CEP83: variants seen among roughly 807,000 people sequenced by gnomAD.
CEP83 encodes centrosomal protein of 83 kDa.
In CEP83, 70 loss-of-function variants were observed where a neutral mutation model predicts 101.9. That is an observed-to-expected ratio of 0.69 (90% CI 0.57 to 0.84). The LOEUF (loss-of-function observed/expected upper bound fraction) is 0.84, where lower values mean the gene tolerates loss of function less well. Among genes scored for constraint, CEP83 ranks in the 40% least tolerant of loss-of-function variants. The pLI, the probability that CEP83 is intolerant of heterozygous loss-of-function variation, is 0.00. For missense variants in CEP83, 715 were observed against 787.2 expected (o/e 0.91, Z 1.10); for synonymous variants, 264 against 267.9 (o/e 0.99, Z 0.14).
At chr12:94,318,406 T>C (rs1247848767) in intron 14 of CEP83, among the ~76,000 whole-genome samples, 2 of 152,174 alleles carry the variant, frequency 1.3e-5, no homozygotes, top group Non-Finnish European at 2.9e-5. Flanking sequence ...CTTTATTTCT[T>C]TCTTTCTCTT....
chr12:94,439,559 A>C (rs148586110), intron 1 of CEP83, among the ~76,000 whole-genome samples: 253 of 151,722 alleles, frequency 1.7e-3, no homozygotes, highest in South Asian at 6.0e-3. Flanking sequence ...ATGCCAACAA[A>C]AAAAAAAAAA....
intron 14 of CEP83, among the ~76,000 whole-genome samples, chr12:94,323,484 C>A (rs575457911): frequency 1.2e-4 from 18 of 152,220 alleles, no homozygotes; most frequent in African/African-American, 4.1e-4. Flanking sequence ...CTGTGTCACT[C>A]CCAAGTGGAT....
chr12:94,332,838 T>G (rs1156596656), intron 13 of CEP83, among the ~76,000 whole-genome samples: 1 of 151,758 alleles, frequency 6.6e-6, no homozygotes, highest in Non-Finnish European at 1.5e-5. Flanking sequence ...AAGAAGAAAT[T>G]TGAAAAGAAT....
intron 11 of CEP83, among the ~76,000 whole-genome samples, chr12:94,346,119 G>C (rs1318584591): frequency 6.6e-6 from 1 of 151,832 alleles, no homozygotes; most frequent in Non-Finnish European, 1.5e-5. Context: ...GGCCAATCTC[G>C]GCTCACTGCA....
At chr12:94,452,332 T>C (rs1293647315) in intron 1 of CEP83, among the ~76,000 whole-genome samples, 2 of 152,128 alleles carry the variant, frequency 1.3e-5, no homozygotes, top group African/African-American at 4.8e-5. Flanking sequence ...GTTTTTATGG[T>C]AGGTAAAATA....
chr12:94,351,845 C>T (rs936866565), intron 11 of CEP83, among the ~76,000 whole-genome samples: 2 of 152,188 alleles, frequency 1.3e-5, no homozygotes, highest in African/African-American at 2.4e-5. Flanking sequence ...GAGAACTGTT[C>T]CACCTAGAGG....
chr12:94,315,069 A>G (rs1970451815), intron 14 of CEP83, among the ~76,000 whole-genome samples: 1 of 152,166 alleles, frequency 6.6e-6, no homozygotes, highest in South Asian at 2.1e-4. Context: ...ATTCCTAAAC[A>G]TGTTTTTCGC....
At chr12:94,411,659 C>T (rs1347203080) in intron 4 of CEP83, 38 bp downstream of exon 4, 2 of 1,531,014 alleles carry the variant, frequency 1.3e-6, no homozygotes, top group Non-Finnish European at 1.8e-6. Context: ...TATCTGACTG[C>T]TTTTATACTA....
chr12:94,336,019 A>T (rs1429626274), intron 11 of CEP83, among the ~76,000 whole-genome samples: 2 of 152,132 alleles, frequency 1.3e-5, no homozygotes, highest in Non-Finnish European at 2.9e-5. Flanking sequence ...ATGTGTTGCT[A>T]AGGTATCAGA....
At chr12:94,274,651 G>T in the CEP83 span, among the ~76,000 whole-genome samples, 5 of 152,322 alleles carry the variant, frequency 3.3e-5, no homozygotes, top group East Asian at 9.6e-4. Flanking sequence ...GCCTTTCATG[G>T]GTATTTTCTG....
intron 1 of CEP83, among the ~76,000 whole-genome samples, chr12:94,435,760 C>T (rs1365930097): frequency 1.3e-5 from 2 of 152,238 alleles, no homozygotes; most frequent in East Asian, 3.8e-4. Flanking sequence ...CAACTGCCTG[C>T]AACTCCCTGG....
At position 94,451,007 on chromosome 12, in the gene CEP83, T is replaced by A. The variant is rs148366632; in HGVS notation, c.-155+8550A>T. ...AGGATAGGTTTATAGACATGAGTCTTGGAATAAATTCTTACATTATAGTCA... is the reference window on the plus strand; with the variant it reads ...AGGATAGGTTTATAGACATGAGTCTAGGAATAAATTCTTACATTATAGTCA... On this transcript the variant is annotated intron_variant, in intron 1 of 16. Coordinates refer to ENST00000397809, the MANE Select transcript of CEP83 (RefSeq NM_016122.3). Among the ~76,000 whole-genome samples the A allele has an allele frequency of 8.2e-4, 125 of 152,338 alleles. 1 individual carries two copies. In the East Asian group the frequency reaches 0.022, roughly 27 times the overall value.
At chr12:94,456,683 A>T (rs931491631) in intron 1 of CEP83, among the ~76,000 whole-genome samples, 1 of 152,168 alleles carries the variant, frequency 6.6e-6, no homozygotes, top group Non-Finnish European at 1.5e-5. Flanking sequence ...TGTCACGAGG[A>T]ACAGTATGGG....
intron 11 of CEP83, chr12:94,335,893 A>T (rs927544453): frequency 4.5e-6 from 2 of 443,216 alleles, no homozygotes. Context: ...GAGGATAAGA[A>T]ATCAAGTCTG....
At chr12:94,391,280 C>T (rs111593988) in intron 6 of CEP83, among the ~76,000 whole-genome samples, 12 of 152,132 alleles carry the variant, frequency 7.9e-5, no homozygotes, top group Non-Finnish European at 1.6e-4. Context: ...GCGGATCTCT[C>T]GGCAGAAACC....
Position 94,453,532 on chromosome 12 carries a change from C to T in CEP83, c.-155+6025G>A, listed in dbSNP as rs556775129. On this transcript the variant is annotated intron_variant, in intron 1 of 16. Coordinates refer to ENST00000397809, the MANE Select transcript of CEP83 (RefSeq NM_016122.3). ...ATTACTAATTACTTTGTCCATTTCT[C>T]CCATCAGAGAATAAGGTGCTTGAGA... 3.3e-5 allele frequency among the ~76,000 whole-genome samples: 5 copies of T among 152,292 alleles called. No individual in the cohort carries two copies. The East Asian group carries it at 9.6e-4, about 29-fold the overall frequency.
At chr12:94,452,736 T>C (rs2067350973) in intron 1 of CEP83, among the ~76,000 whole-genome samples, 1 of 151,830 alleles carries the variant, frequency 6.6e-6, no homozygotes, top group South Asian at 2.1e-4. Flanking sequence ...TGACGGGGGA[T>C]GGGGAAGGAA....
At chr12:94,403,047 C>A in intron 5 of CEP83, 123 bp downstream of exon 5, 1 of 566,286 alleles carries the variant, frequency 1.8e-6, no homozygotes. Context: ...GCCTTAGAGG[C>A]CACTGCAATG....
chr12:94,331,598 T>A, intron 14 of CEP83, 102 bp downstream of exon 14: 1 of 956,424 alleles, frequency 1.0e-6, no homozygotes, highest in South Asian at 1.5e-5. Flanking sequence ...CTCAATGATC[T>A]CCTGACCTCG....
Sources: gnomAD v4.1 joint callset for allele counts (sites outside exome capture counted in the v4.1 genomes callset) on GRCh38, gnomAD v4.1.1 for gene constraint, MANE v1.5 for transcripts, NCBI Gene and HGNC (gene_info 2026-07-23, HGNC 2026-07-21) for gene names.